Variants in TRAK2 observed in about 807,000 individuals in gnomAD.
The protein encoded by TRAK2 is trafficking kinesin protein 2, also known as trafficking kinesin-binding protein 2.
In TRAK2, 81 loss-of-function variants were observed where a neutral mutation model predicts 104.6. The ratio of observed to expected loss-of-function variants is 0.77; its 90% CI spans 0.65 to 0.93. TRAK2 has a LOEUF of 0.93. Among genes scored for constraint, TRAK2 ranks in the 40% least tolerant of loss-of-function variants. The pLI is 0.00. For synonymous variants in TRAK2, 406 were observed against 394.4 expected, an observed-to-expected ratio of 1.03 and a Z score of -0.35; for missense variants, 1,002 against 1,089.0, an observed-to-expected ratio of 0.92 and a Z score of 1.12.
chr2:201,412,291 A>C (rs560248417), intron 2 of TRAK2: 14 of 1,241,758 alleles, frequency 1.1e-5, no homozygotes, highest in Non-Finnish European at 1.7e-5. Flanking sequence ...TCTTTGGAAT[A>C]AGGTATCAAA....
chr2:201,420,962 A>G (rs1292067427), intron 1 of TRAK2, among the ~76,000 whole-genome samples: 3 of 152,148 alleles, frequency 2.0e-5, no homozygotes, highest in African/African-American at 2.4e-5. Context: ...TTAAGGGAGG[A>G]ATTACTAAGG....
At chr2:201,404,910 A>G (rs1264213580) in intron 3 of TRAK2, among the ~76,000 whole-genome samples, 1 of 152,110 alleles carries the variant, frequency 6.6e-6, no homozygotes, top group Non-Finnish European at 1.5e-5. Context: ...GCTACGATAT[A>G]GCAAACATTT....
chr2:201,404,327 C>T (rs1951574979), intron 3 of TRAK2, among the ~76,000 whole-genome samples: 1 of 152,154 alleles, frequency 6.6e-6, no homozygotes, highest in Admixed American at 6.5e-5. Context: ...ATGATCCTTG[C>T]TTATTTCCAG....
At position 201,404,182 on chromosome 2, in the gene TRAK2, T is replaced by C. The variant is rs183117601; in HGVS notation, c.287-3088A>G. Among the ~76,000 whole-genome samples the C allele has an allele frequency of 2.4e-3, 360 of 152,324 alleles. 3 individuals carry two copies. The highest frequency in any genetic ancestry group is 8.8e-3 in the Admixed American group (135 of 15,300). On this transcript the variant is annotated intron_variant, in intron 3 of 15. Transcript: ENST00000332624. ...AATGCTTCAAAAACCACAGACTAGT[T>C]CTTCACCATAATTCTGTAGCCAGGA... is the stretch of plus-strand genomic sequence containing the variant.
Position 201,399,371 on chromosome 2 carries a change from G to A in TRAK2, c.480+6C>T. 2 of 1,566,722 alleles carry A rather than the reference G, an allele frequency of 1.3e-6. No individual in the cohort carries two copies. The highest frequency in any genetic ancestry group is 8.8e-7 in the Non-Finnish European group (1 of 1,138,340). ...TCATACTGCAGACATTTGATCAAAGGCTTACTTGATCAAAGGCTTGTCCCA... is the reference window on the plus strand; with the variant it reads ...TCATACTGCAGACATTTGATCAAAGACTTACTTGATCAAAGGCTTGTCCCA... On this transcript the variant is annotated splice_donor_region_variant and intron_variant, in intron 5 of 15. Coordinates refer to ENST00000332624, the MANE Select transcript of TRAK2 (RefSeq NM_015049.3).
At chr2:201,381,354 T>G (rs1478828302) in intron 15 of TRAK2, 136 bp from the exon 16 acceptor site, 3 of 776,740 alleles carry the variant, frequency 3.9e-6, no homozygotes, top group Non-Finnish European at 6.0e-6. Context: ...CGTAACTGTA[T>G]GCTGTGGAAC....
chr2:201,380,649 A>G lies in TRAK2; in HGVS notation c.2639T>C (p.Leu880Ser). Residue 880 changes from leucine (L) to serine (S), a missense_variant, in exon 16 of 16, where the codon TTA becomes TCA. Coordinates refer to ENST00000332624, the MANE Select transcript of TRAK2 (RefSeq NM_015049.3). ...CTGATTCCTCCTTAGTCCACCTAAT[A>G]AACTGCTACCTGAATTTAAATAAAC... ...SAVYLNSGSS[L>S]LGGLRRNQSL... is the part of the protein sequence containing the mutation. 6.2e-7 allele frequency: 1 copy of G among 1,614,090 alleles called. No individual in the cohort carries two copies. Among genetic ancestry groups the G allele is most frequent in the Non-Finnish European group, 8.5e-7 (1 of 1,179,984 alleles).
At chr2:201,400,705 G>A (rs546628839) in intron 4 of TRAK2, among the ~76,000 whole-genome samples, 1 of 152,168 alleles carries the variant, frequency 6.6e-6, no homozygotes, top group Non-Finnish European at 1.5e-5. Flanking sequence ...TGAATGGGCA[G>A]CTCTGCTGTA....
chr2:201,412,368 T>C, intron 2 of TRAK2: 1 of 1,339,266 alleles, frequency 7.5e-7, no homozygotes, highest in Non-Finnish European at 1.1e-6. Context: ...CTGCATCTGG[T>C]CTTACAGTTG....
At chr2:201,393,582 C>T (rs2125644096) in intron 9 of TRAK2, among the ~76,000 whole-genome samples, 1 of 152,196 alleles carries the variant, frequency 6.6e-6, no homozygotes, top group South Asian at 2.1e-4. Context: ...TATATTTTAA[C>T]TGTAAAATTT....
chr2:201,384,148 T>A lies in TRAK2; in HGVS notation c.2032A>T (p.Ile678Leu), dbSNP rs370813501. Residue 678 changes from isoleucine (I) to leucine (L), a missense_variant, in exon 15 of 16, where the codon ATA becomes TTA. Coordinates refer to ENST00000332624, the MANE Select transcript of TRAK2 (RefSeq NM_015049.3). ...TGAGTGATGTCAGAGGGATGTAATA[T>A]TCTACAGGTGGTGAAAGTGAATGTT... Reference protein sequence around the residue: ...NSTFTFTTCRILHPSDITQVT... With the variant: ...NSTFTFTTCRLLHPSDITQVT... 6 of 1,613,302 alleles carry A rather than the reference T, an allele frequency of 3.7e-6. No individual in the cohort carries two copies. The highest frequency in any genetic ancestry group is 5.1e-6 in the Non-Finnish European group (6 of 1,179,636).
chr2:201,413,399 A>C, intron 2 of TRAK2: 6 of 525,964 alleles, frequency 1.1e-5, no homozygotes, highest in East Asian at 7.0e-5. Flanking sequence ...CCCTAAACAC[A>C]GGCTGTTCCT....
At chr2:201,431,656 T>C (rs1951843440) in intron 1 of TRAK2, among the ~76,000 whole-genome samples, 1 of 152,246 alleles carries the variant, frequency 6.6e-6, no homozygotes, top group South Asian at 2.1e-4. Flanking sequence ...AGATCCTTAA[T>C]GTAGCCATGT....
At chr2:201,403,994 T>G (rs1559444114) in intron 3 of TRAK2, among the ~76,000 whole-genome samples, 1 of 152,134 alleles carries the variant, frequency 6.6e-6, no homozygotes, top group Non-Finnish European at 1.5e-5. Flanking sequence ...CCTTTTCCAA[T>G]GGAAAAGAAC....
rs1951655844 is a variant in TRAK2 at position 201,412,433 on chromosome 2, T to C, written c.92-4836A>G. ...TCACGAACTTCCTCAGGTATATTTA[T>C]AAGTGAACTAGATCCTAAATAACTC... is the stretch of plus-strand genomic sequence containing the variant. On this transcript the variant is annotated intron_variant, in intron 2 of 15. Transcript: ENST00000332624. 1.1e-5 allele frequency: 14 copies of C among 1,253,626 alleles called. No homozygotes were observed. In the South Asian group the frequency reaches 1.6e-4, roughly 14 times the overall value. The allele number at this position is 1,253,626 out of a possible 1,614,324, so 77.7% of individuals were successfully genotyped here. A position where few individuals can be genotyped will look rare whatever the true frequency, so the allele number is the denominator to read the frequency against.
At chr2:201,405,163 C>T (rs532023415) in intron 3 of TRAK2, among the ~76,000 whole-genome samples, 2 of 152,246 alleles carry the variant, frequency 1.3e-5, no homozygotes, top group South Asian at 2.1e-4. Context: ...GAGAGCTTAT[C>T]TAAGGGAAAA....
intron 3 of TRAK2, among the ~76,000 whole-genome samples, chr2:201,401,956 G>C (rs1197336955): frequency 1.3e-5 from 2 of 151,972 alleles, no homozygotes; most frequent in African/African-American, 2.4e-5. Context: ...TAACTAGTTT[G>C]CCTTGAAGTG....
At chr2:201,410,254 C>T (rs1951633278) in intron 2 of TRAK2, among the ~76,000 whole-genome samples, 4 of 151,398 alleles carry the variant, frequency 2.6e-5, no homozygotes, top group South Asian at 2.1e-4. Flanking sequence ...TGCAGTGAGC[C>T]GAGATCGCGC....
intron 1 of TRAK2, among the ~76,000 whole-genome samples, chr2:201,423,037 C>CCACACACACACACACACACACACACACA (rs142826543): frequency 7.5e-6 from 1 of 134,150 alleles, no homozygotes; most frequent in African/African-American, 2.8e-5. Context: ...AACACCACCA[C>CCACACACACACACACACACACACACACA]CACACACACA....
Sources: allele counts gnomAD v4.1 joint callset (sites outside exome capture counted in the v4.1 genomes callset), GRCh38; gene constraint gnomAD v4.1.1; transcripts MANE v1.5; gene names NCBI Gene and HGNC (gene_info 2026-07-23, HGNC 2026-07-21).